Variants in NIN observed in about 807,000 individuals in gnomAD.
NIN encodes ninein.
In NIN, 137 loss-of-function variants were observed where a neutral mutation model predicts 257.6. The ratio of observed to expected loss-of-function variants is 0.53; its 90% CI spans 0.46 to 0.61. The LOEUF (loss-of-function observed/expected upper bound fraction) is 0.61, where lower values mean the gene tolerates loss of function less well. Among genes scored for constraint, NIN ranks in the 20% least tolerant of loss-of-function variants. The probability of loss-of-function intolerance (pLI) is 0.00; values close to 1 mark genes in which losing one functional copy is unlikely to be tolerated. For synonymous variants in NIN, 918 were observed against 919.8 expected (o/e 1.00, Z 0.04); for missense variants, 2,439 against 2,501.2 (o/e 0.98, Z 0.53).
intron 10 of NIN, 67 bp from the exon 11 acceptor site, chr14:50,771,059 T>C: frequency 6.4e-7 from 1 of 1,554,276 alleles, no homozygotes; most frequent in Non-Finnish European, 8.7e-7. Context: ...CCAGAAAAGC[T>C]CTCATCTGGC....
At chr14:50,750,022 T>A (rs1165402555) in intron 21 of NIN, among the ~76,000 whole-genome samples, 1 of 152,196 alleles carries the variant, frequency 6.6e-6, no homozygotes, top group African/African-American at 2.4e-5. Flanking sequence ...GTTTATTTCA[T>A]AATTATATTT....
intron 3 of NIN, among the ~76,000 whole-genome samples, chr14:50,813,869 T>C (rs2044755283): frequency 6.6e-6 from 1 of 152,144 alleles, no homozygotes; most frequent in Admixed American, 6.5e-5. Context: ...GAGAAATTAA[T>C]GAAAGAAGAT....
rs747010986 is a variant in NIN, at chr14:50,744,307, T to C, written c.5123A>G (p.Tyr1708Cys). ...CTTTTCTTTCAGCAGTTTTTCGTTG[T>C]AGCTTAGAACACTAGAGATTTTTTG... ...FQQKISSVLS[Y>C]NEKLLKEKEA... Residue 1708 changes from tyrosine (Y) to cysteine (C), a missense_variant, in exon 23 of 31, where the codon TAC becomes TGC. Around this residue, in one of 3 missense-constraint regions of NIN, gnomAD observed 2,043 missense variants for 2,050.2 expected, o/e 1.00. Coordinates refer to ENST00000530997, the MANE Select transcript of NIN (RefSeq NM_020921.4). 3 of 1,614,028 alleles carry C rather than the reference T, an allele frequency of 1.9e-6. No homozygotes were observed. Among genetic ancestry groups the C allele is most frequent in the Admixed American group, 1.7e-5 (1 of 60,008 alleles).
chr14:50,798,475 G>A (rs1349623172), intron 4 of NIN, among the ~76,000 whole-genome samples: 1 of 152,198 alleles, frequency 6.6e-6, no homozygotes, highest in Admixed American at 6.5e-5. Context: ...AGGGCTGACT[G>A]GATGGTCTAA....
chr14:50,797,288 GAA>G (rs1332852849), intron 4 of NIN, among the ~76,000 whole-genome samples: 1 of 152,206 alleles, frequency 6.6e-6, no homozygotes, highest in Non-Finnish European at 1.5e-5. Context: ...GGATGAAGAA[GAA>G]AACCCTGTCG....
At chr14:50,749,356 C>A (rs1016760324) in intron 21 of NIN, among the ~76,000 whole-genome samples, 1 of 152,104 alleles carries the variant, frequency 6.6e-6, no homozygotes. Context: ...ACCATAACAA[C>A]CCTAGAAGAA....
Position 50,725,980 on chromosome 14 carries a change from T to C in NIN, c.6165A>G (p.Gln2055=), listed in dbSNP as rs2040394406. 1 of 1,614,048 alleles carries C rather than the reference T, an allele frequency of 6.2e-7. No homozygotes were observed. The highest frequency in any genetic ancestry group is 1.3e-5 in the African/African-American group (1 of 74,946). The change falls in exon 30 of 31, where the codon CAA becomes CAG. Residue 2055 remains glutamine, a synonymous_variant. Coordinates refer to ENST00000530997, the MANE Select transcript of NIN (RefSeq NM_020921.4). ...QKLKLVKRLL[Q]EKVNQLKEQL... Reference sequence around the variant, plus strand: ...GTTCTTTGAGCTGATTCACTTTCTCTTGAAGAAGCCTTTTCACTAGTTTCA... The same window carrying C: ...GTTCTTTGAGCTGATTCACTTTCTCCTGAAGAAGCCTTTTCACTAGTTTCA...
Position 50,768,255 on chromosome 14 carries a change from T to C in NIN, c.1435-1365A>G, listed in dbSNP as rs201832165. ...CAGCAATATAAGTAAAAAAAAAATG[T>C]ACTTAGAGCATTTAAAAAATACTAC... is the stretch of plus-strand genomic sequence containing the variant. On this transcript the variant is annotated intron_variant, in intron 12 of 30. Coordinates refer to ENST00000530997, the MANE Select transcript of NIN (RefSeq NM_020921.4). Among the ~76,000 whole-genome samples the C allele has an allele frequency of 1.6e-4, 24 of 152,220 alleles. No individual in the cohort carries two copies. The East Asian group carries it at 4.4e-3, about 28-fold the overall frequency.
intron 3 of NIN, among the ~76,000 whole-genome samples, chr14:50,817,149 T>C (rs2044940404): frequency 6.6e-6 from 1 of 152,130 alleles, no homozygotes. Flanking sequence ...CCAATTTAAG[T>C]CTCCCTAGCC....
intron 3 of NIN, among the ~76,000 whole-genome samples, chr14:50,815,748 G>A (rs2044861785): frequency 6.6e-6 from 1 of 152,132 alleles, no homozygotes; most frequent in African/African-American, 2.4e-5. Context: ...GGTGGCTCAG[G>A]CCTGTAATCC....
intron 29 of NIN, among the ~76,000 whole-genome samples, chr14:50,726,984 A>C (rs1482407761): frequency 6.6e-6 from 1 of 152,236 alleles, no homozygotes; most frequent in East Asian, 1.9e-4. Context: ...TCATGTAGTA[A>C]CTATCCGGAG....
At chr14:50,728,766 A>T (rs1020324775) in intron 29 of NIN, among the ~76,000 whole-genome samples, 7 of 152,266 alleles carry the variant, frequency 4.6e-5, no homozygotes, top group Non-Finnish European at 8.8e-5. Context: ...AAAGAGAAAT[A>T]ACTCTGAATA....
At chr14:50,728,672 T>C (rs2181089) in intron 29 of NIN, among the ~76,000 whole-genome samples, 53,671 of 152,096 alleles carry the variant, frequency 0.35, 11,964 homozygotes, top group African/African-American at 0.63. Context: ...AGAAGGACTT[T>C]TTATTTTATT....
chr14:50,787,511 A>G (rs2043397551), intron 5 of NIN, among the ~76,000 whole-genome samples: 1 of 152,252 alleles, frequency 6.6e-6, no homozygotes. Flanking sequence ...AAATCTTCTC[A>G]TTAATCACAC....
chr14:50,743,866 G>A (rs189633816), intron 23 of NIN, among the ~76,000 whole-genome samples: 1 of 152,030 alleles, frequency 6.6e-6, no homozygotes, highest in East Asian at 1.9e-4. Flanking sequence ...TAAGGCAGGT[G>A]GGGAAAAAAG....
chr14:50,808,297 T>C (rs1441358671), intron 3 of NIN, among the ~76,000 whole-genome samples: 2 of 152,178 alleles, frequency 1.3e-5, no homozygotes, highest in Non-Finnish European at 2.9e-5. Context: ...TAGGCTCCAG[T>C]TAACATGCGC....
intron 3 of NIN, among the ~76,000 whole-genome samples, chr14:50,818,271 C>A (rs140677475): frequency 0.034 from 4,904 of 144,718 alleles, 99 homozygotes; most frequent in Non-Finnish European, 0.045. Flanking sequence ...TGCAGTGAGC[C>A]GAGATTATGC....
chr14:50,805,010 T>A (rs1254921092), intron 4 of NIN, among the ~76,000 whole-genome samples: 1 of 152,162 alleles, frequency 6.6e-6, no homozygotes, highest in Non-Finnish European at 1.5e-5. Flanking sequence ...CTATAATCTG[T>A]ATATTTATTA....
chr14:50,744,502 A>T (rs1164992067), intron 22 of NIN, 137 bp from the exon 23 acceptor site: 3 of 865,482 alleles, frequency 3.5e-6, no homozygotes, highest in Non-Finnish European at 5.3e-6. Context: ...AAACTCTAGC[A>T]GAGACTATAA....
Sources: allele counts gnomAD v4.1 joint callset (sites outside exome capture counted in the v4.1 genomes callset), GRCh38; gene constraint gnomAD v4.1.1; regional missense constraint gnomAD v4.1.1; transcripts MANE v1.5; gene names NCBI Gene and HGNC (gene_info 2026-07-23, HGNC 2026-07-21).